ZNF385D: variants seen among roughly 807,000 people sequenced by gnomAD.
ZNF385D encodes zinc finger protein 659.
ZNF385D carries 15 observed loss-of-function variants against 35.8 expected under a neutral mutation model. That is an observed-to-expected ratio of 0.42 (90% CI 0.28 to 0.64). The LOEUF is 0.64. Ranked by LOEUF, ZNF385D falls within the 30% of genes least tolerant of loss-of-function variation. The probability of loss-of-function intolerance (pLI) is 0.23; values close to 1 mark genes in which losing one functional copy is unlikely to be tolerated. For missense variants in ZNF385D, 474 were observed against 494.6 expected (o/e 0.96, Z 0.39); for synonymous variants, 212 against 186.8 (o/e 1.13, Z -1.10).
At chr3:21,939,030 C>T (rs978079036) in intron 3 of ZNF385D, among the ~76,000 whole-genome samples, 2 of 152,138 alleles carry the variant, frequency 1.3e-5, no homozygotes, top group Non-Finnish European at 2.9e-5. Flanking sequence ...CTGGATGTCA[C>T]ATTGATGGGG....
rs141254644 is a variant in ZNF385D at position 21,564,626 on chromosome 3, C to T, written c.224G>A (p.Arg75Gln). The change falls in exon 3 of 8, where the codon CGA becomes CAA. Residue 75 changes from arginine (R) to glutamine (Q), a missense_variant. Coordinates refer to ENST00000281523, the MANE Select transcript of ZNF385D (RefSeq NM_024697.3). ...NHTFGVPLPHRRKQIISCNIC... is the reference protein window; with the variant it reads ...NHTFGVPLPHQRKQIISCNIC... ...GTTGCATGATATGATTTGCTTTCTT[C>T]GGTGGGGAAGAGGAACCCCGAATGT... 6.0e-5 allele frequency: 94 copies of T among 1,571,078 alleles called. No homozygotes were observed. The highest frequency in any genetic ancestry group is 7.3e-5 in the Non-Finnish European group (85 of 1,157,708).
rs2125227755 is a variant in ZNF385D at position 21,414,870 on chromosome 3, C to T, written c.*6344G>A. On this transcript the variant is annotated 3_prime_UTR_variant, in exon 8 of 8. Transcript: ENST00000281523. The stretch of plus-strand genomic sequence containing the variant: ...ACTATTTGATAAAAGTTAAACTTTC[C>T]AGGATCTCACGAACTCAATTCCTTT... 6.6e-6 allele frequency: 1 copy of T among 152,134 alleles called. No individual in the cohort carries two copies. The highest frequency in any genetic ancestry group is 1.5e-5 in the Non-Finnish European group (1 of 67,970). The allele number at this position is 152,134 out of a possible 1,614,324, so 9.4% of individuals were successfully genotyped here.
At chr3:22,172,391 TA>T (rs1261872434) in intron 2 of ZNF385D, among the ~76,000 whole-genome samples, 2 of 152,200 alleles carry the variant, frequency 1.3e-5, no homozygotes, top group Admixed American at 6.5e-5. Context: ...TAAGCTATAT[TA>T]AAAAATGTAT....
intron 2 of ZNF385D, among the ~76,000 whole-genome samples, chr3:21,576,035 A>G (rs2063487441): frequency 6.6e-6 from 1 of 152,248 alleles, no homozygotes; most frequent in African/African-American, 2.4e-5. Flanking sequence ...ATGACACAAT[A>G]TGGAATACAG....
intron 1 of ZNF385D, among the ~76,000 whole-genome samples, chr3:21,678,521 A>G (rs921840081): frequency 2.0e-5 from 3 of 152,092 alleles, no homozygotes; most frequent in African/African-American, 4.8e-5. Context: ...AAACGCAACA[A>G]CAAATAACCC....
intron 6 of ZNF385D, among the ~76,000 whole-genome samples, chr3:21,424,318 T>TATATATATATTTATATATATATATATA (rs375587956): frequency 2.4e-5 from 1 of 41,842 alleles, no homozygotes; most frequent in Non-Finnish European, 4.3e-5. Context: ...TATATATATA[T>TATATATATATTTATATATATATATATA]TTTTTTTTTT....
chr3:21,727,585 T>G (rs2068821308), intron 1 of ZNF385D, among the ~76,000 whole-genome samples: 1 of 152,188 alleles, frequency 6.6e-6, no homozygotes, highest in Admixed American at 6.5e-5. Context: ...TCACTGGTCA[T>G]TAGAGAAATG....
chr3:22,045,411 G>C (rs749402597), intron 3 of ZNF385D, among the ~76,000 whole-genome samples: 1 of 152,130 alleles, frequency 6.6e-6, no homozygotes, highest in Non-Finnish European at 1.5e-5. Context: ...ATGATATCCA[G>C]AACTGAAGAA....
chr3:21,517,432 C>G (rs1038133237), intron 3 of ZNF385D, among the ~76,000 whole-genome samples: 1 of 152,148 alleles, frequency 6.6e-6, no homozygotes, highest in African/African-American at 2.4e-5. Flanking sequence ...CTGCAACACC[C>G]CAAACCCATG....
At position 22,164,908 on chromosome 3, in the gene ZNF385D, C is replaced by G. The variant is rs372831974; in HGVS notation, c.325+3909G>C. On this transcript the variant is annotated intron_variant, in intron 3 of 5. Coordinates refer to the ZNF385D transcript ENST00000494108. ...CATGCATATTACTAAGTGAAAGAAG[C>G]CAATATAAAAAGGCTACATAGTATG... 2.0e-5 allele frequency among the ~76,000 whole-genome samples: 3 copies of G among 152,050 alleles called. No homozygotes were observed. The South Asian group carries it at 6.2e-4, about 32-fold the overall frequency.
rs556664211 is a variant in ZNF385D at position 22,286,418 on chromosome 3, T to C, written c.106+86032A>G. The stretch of plus-strand genomic sequence containing the variant: ...TTTCATTTATTTCTGCTCTGATCTT[T>C]CTAGTTTCTTCCTTCTGCTAACTTT... On this transcript the variant is annotated intron_variant, in intron 2 of 5. Coordinates refer to the ZNF385D transcript ENST00000494108. Among the ~76,000 whole-genome samples the C allele has an allele frequency of 5.3e-5, 8 of 152,222 alleles. No individual in the cohort carries two copies. In the South Asian group the frequency reaches 1.7e-3, roughly 32 times the overall value.
intron 1 of ZNF385D, among the ~76,000 whole-genome samples, chr3:21,744,115 C>A (rs1304247120): frequency 6.6e-6 from 1 of 152,156 alleles, no homozygotes; most frequent in African/African-American, 2.4e-5. Context: ...TTAACAGTCA[C>A]TAGCTTTGTG....
intron 3 of ZNF385D, among the ~76,000 whole-genome samples, chr3:21,928,484 T>C (rs1436266479): frequency 6.6e-6 from 1 of 151,982 alleles, no homozygotes; most frequent in Non-Finnish European, 1.5e-5. Flanking sequence ...TGGACTTAAA[T>C]GACATCTATA....
intron 3 of ZNF385D, among the ~76,000 whole-genome samples, chr3:22,104,598 C>A (rs751533617): frequency 3.3e-5 from 5 of 151,950 alleles, no homozygotes; most frequent in Non-Finnish European, 7.4e-5. Context: ...TTTTTAGAAT[C>A]ATGAATTTCT....
chr3:21,811,094 T>C (rs1044543305), intron 3 of ZNF385D, among the ~76,000 whole-genome samples: 3 of 151,700 alleles, frequency 2.0e-5, no homozygotes, highest in East Asian at 1.9e-4. Context: ...GAGATACAAA[T>C]GCAAAGAATC....
intron 2 of ZNF385D, among the ~76,000 whole-genome samples, chr3:22,327,404 A>G (rs1361833248): frequency 2.6e-5 from 4 of 152,196 alleles, no homozygotes; most frequent in Admixed American, 6.5e-5. Context: ...CCTACACTCT[A>G]AGTTCCATGG....
chr3:21,812,117 T>C (rs894156636), intron 3 of ZNF385D, among the ~76,000 whole-genome samples: 1 of 152,158 alleles, frequency 6.6e-6, no homozygotes, highest in Admixed American at 6.5e-5. Context: ...ATTGGTCAAA[T>C]TCAGAACATG....
chr3:21,733,512 G>C (rs544276871), intron 1 of ZNF385D, among the ~76,000 whole-genome samples: 1 of 152,036 alleles, frequency 6.6e-6, no homozygotes, highest in Non-Finnish European at 1.5e-5. Context: ...TCTGACATTG[G>C]TGTTGTAAAT....
intron 2 of ZNF385D, among the ~76,000 whole-genome samples, chr3:21,569,567 A>AAGTT (rs1294449814): frequency 1.3e-5 from 2 of 150,312 alleles, no homozygotes; most frequent in Admixed American, 6.6e-5. Context: ...TTTACATTGA[A>AAGTT]AGTTAATATT....
Sources: gnomAD v4.1 joint callset for allele counts (sites outside exome capture counted in the v4.1 genomes callset) on GRCh38, gnomAD v4.1.1 for gene constraint, MANE v1.5 for transcripts, NCBI Gene and HGNC (gene_info 2026-07-23, HGNC 2026-07-21) for gene names.